Variants in RBFOX1 observed in about 807,000 individuals in gnomAD.
RBFOX1 encodes the protein RNA binding protein fox-1 homolog 1.
Under a neutral mutation model 57.7 loss-of-function variants are expected in RBFOX1, and 8 were observed. The ratio of observed to expected loss-of-function variants is 0.14; its 90% CI spans 0.08 to 0.25. RBFOX1 has a LOEUF of 0.25. RBFOX1 is among the 10% of genes least tolerant of loss of function. The probability of loss-of-function intolerance (pLI) is 1.00; values close to 1 mark genes in which losing one functional copy is unlikely to be tolerated. For synonymous variants in RBFOX1, 326 were observed against 222.4 expected (o/e 1.47, Z -4.15); for missense variants, 611 against 548.5 (o/e 1.11, Z -1.14).
At chr16:6,119,160 G>C (rs1418372866) in intron 1 of RBFOX1, among the ~76,000 whole-genome samples, 6 of 151,990 alleles carry the variant, frequency 3.9e-5, no homozygotes, top group Admixed American at 3.9e-4. Context: ...ATGTTTCTTA[G>C]ATGGGGATTA....
chr16:5,689,889 A>C (rs1021101069), intron 3 of RBFOX1, among the ~76,000 whole-genome samples: 1 of 152,072 alleles, frequency 6.6e-6, no homozygotes, highest in African/African-American at 2.4e-5. Context: ...TTGACAGGGG[A>C]ATGATGGAAC....
intron 2 of RBFOX1, among the ~76,000 whole-genome samples, chr16:6,453,080 G>A (rs1418113106): frequency 2.0e-5 from 3 of 151,988 alleles, no homozygotes; most frequent in African/African-American, 7.2e-5. Flanking sequence ...CTCTAAAGTG[G>A]GGCACAAAAT....
At chr16:6,496,357 A>T (rs915627332) in intron 2 of RBFOX1, among the ~76,000 whole-genome samples, 15 of 152,180 alleles carry the variant, frequency 9.9e-5, no homozygotes, top group Admixed American at 9.8e-4. Context: ...TTTCATTTGA[A>T]CAAGTGGATT....
At chr16:7,022,909 C>T (rs561862166) in intron 3 of RBFOX1, among the ~76,000 whole-genome samples, 2 of 152,268 alleles carry the variant, frequency 1.3e-5, no homozygotes, top group South Asian at 4.1e-4. Flanking sequence ...GGCTTGCACC[C>T]CATTGTCTCA....
At chr16:6,593,849 C>T (rs1205611355) in intron 2 of RBFOX1, among the ~76,000 whole-genome samples, 1 of 152,122 alleles carries the variant, frequency 6.6e-6, no homozygotes, top group African/African-American at 2.4e-5. Context: ...GGAAGGTGAT[C>T]TCTGAATGAT....
chr16:5,814,023 G>T (rs1462755718), intron 3 of RBFOX1, among the ~76,000 whole-genome samples: 2 of 152,164 alleles, frequency 1.3e-5, no homozygotes, highest in African/African-American at 4.8e-5. Context: ...AAGCAATTAG[G>T]ATAGTAATGG....
At chr16:6,552,556 G>C (rs1307417037) in intron 2 of RBFOX1, among the ~76,000 whole-genome samples, 1 of 152,164 alleles carries the variant, frequency 6.6e-6, no homozygotes, top group Non-Finnish European at 1.5e-5. Flanking sequence ...CCAGTGTTGT[G>C]TGCATTGATG....
intron 4 of RBFOX1, among the ~76,000 whole-genome samples, chr16:5,925,827 C>T (rs2058929152): frequency 6.6e-6 from 1 of 152,182 alleles, no homozygotes; most frequent in South Asian, 2.1e-4. Flanking sequence ...TCGGCATAAA[C>T]CTCCAAATAA....
intron 3 of RBFOX1, among the ~76,000 whole-genome samples, chr16:5,674,775 C>T (rs1361529231): frequency 6.6e-6 from 1 of 152,152 alleles, no homozygotes; most frequent in Non-Finnish European, 1.5e-5. Flanking sequence ...ACTTTTCCTT[C>T]CCTATGGTGA....
intron 3 of RBFOX1, chr16:5,867,270 C>G: frequency 8.6e-7 from 1 of 1,166,648 alleles, no homozygotes; most frequent in Non-Finnish European, 1.1e-6. Context: ...CTTGTTGAAT[C>G]AATACTAATG....
intron 4 of RBFOX1, among the ~76,000 whole-genome samples, chr16:7,063,925 C>G (rs1391307396): frequency 6.6e-6 from 1 of 152,112 alleles, no homozygotes; most frequent in African/African-American, 2.4e-5. Flanking sequence ...TATCAGCATC[C>G]ATGGACTTTG....
chr16:6,925,685 T>C (rs985601179), intron 3 of RBFOX1, among the ~76,000 whole-genome samples: 3 of 152,140 alleles, frequency 2.0e-5, no homozygotes, highest in Middle Eastern at 3.4e-3. Context: ...AACAGCTTGA[T>C]ATTTGAGCAA....
At chr16:5,381,015 T>C (rs1161083196) in intron 1 of RBFOX1, among the ~76,000 whole-genome samples, 1 of 152,236 alleles carries the variant, frequency 6.6e-6, no homozygotes, top group Non-Finnish European at 1.5e-5. Context: ...GCGGAAAGCA[T>C]GGCTTGAGCT....
At chr16:7,031,313 T>C (rs980745309) in intron 3 of RBFOX1, among the ~76,000 whole-genome samples, 4 of 152,274 alleles carry the variant, frequency 2.6e-5, no homozygotes, top group Admixed American at 6.5e-5. Flanking sequence ...AGCAGTATCA[T>C]GGCTGGGTGC....
intron 4 of RBFOX1, among the ~76,000 whole-genome samples, chr16:7,371,554 AG>A (rs1323769131): frequency 6.6e-6 from 1 of 152,200 alleles, no homozygotes; most frequent in African/African-American, 2.4e-5. Flanking sequence ...GATCGAGACC[AG>A]CCTGGCCAAC....
intron 2 of RBFOX1, among the ~76,000 whole-genome samples, chr16:6,327,888 T>C (rs555897694): frequency 2.6e-4 from 39 of 152,284 alleles, no homozygotes; most frequent in Non-Finnish European, 5.7e-4. Context: ...TATCCATAAA[T>C]TCATGTATAA....
At chr16:7,304,493 G>A (rs1280411945) in intron 4 of RBFOX1, 15 of 985,268 alleles carry the variant, frequency 1.5e-5, no homozygotes, top group Non-Finnish European at 1.8e-5. Flanking sequence ...CAGGTAAGGC[G>A]CGCGTCTGCC....
At chr16:7,288,317 A>C (rs533793633) in intron 4 of RBFOX1, among the ~76,000 whole-genome samples, 2 of 152,318 alleles carry the variant, frequency 1.3e-5, no homozygotes, top group Admixed American at 1.3e-4. Flanking sequence ...TGCATCATAC[A>C]ATAAAGTAGA....
At chr16:6,845,138 C>G (rs754894518) in intron 3 of RBFOX1, among the ~76,000 whole-genome samples, 1 of 95,976 alleles carries the variant, frequency 1.0e-5, no homozygotes, top group Non-Finnish European at 2.3e-5. Context: ...GTTGTCTGTT[C>G]ACTCTGGTAG....
Sources: gnomAD v4.1 joint callset for allele counts (sites outside exome capture counted in the v4.1 genomes callset) on GRCh38, gnomAD v4.1.1 for gene constraint, MANE v1.5 for transcripts, NCBI Gene and HGNC (gene_info 2026-07-23, HGNC 2026-07-21) for gene names.